The following EGFLAM variants were observed in gnomAD, a reference collection of about 807,000 sequenced individuals.
EGFLAM encodes pikachurin.
Under a neutral mutation model 113.1 loss-of-function variants are expected in EGFLAM, and 79 were observed. The ratio of observed to expected loss-of-function variants is 0.70; its 90% confidence interval spans 0.58 to 0.84. The LOEUF is 0.84. Ranked by LOEUF, EGFLAM falls within the 40% of genes least tolerant of loss-of-function variation. The pLI, the probability that EGFLAM is intolerant of heterozygous loss-of-function variation, is 0.00. For synonymous variants in EGFLAM, 504 were observed against 487.6 expected, an observed-to-expected ratio of 1.03 and a Z score of -0.44; for missense variants, 1,265 against 1,291.6, an observed-to-expected ratio of 0.98 and a Z score of 0.32.
chr5:38,400,904 T>C lies in EGFLAM; in HGVS notation c.713-5222T>C, dbSNP rs146968869. 3.7e-3 allele frequency among the ~76,000 whole-genome samples: 566 copies of C among 152,304 alleles called. 1 individual carries two copies. The highest frequency in any genetic ancestry group is 0.013 in the African/African-American group (535 of 41,574). ...TTAGCTGATCCCTGCGGTCTCTCTA[T>C]GAAAGTTAAAATTACTTTGACTCTA... On this transcript the variant is annotated intron_variant, in intron 6 of 21. Coordinates refer to ENST00000322350, the MANE Select transcript of EGFLAM (RefSeq NM_152403.4).
At chr5:38,424,821 T>G (rs758482195) in intron 12 of EGFLAM, 146 bp from the exon 13 acceptor site, 60 of 1,097,304 alleles carry the variant, frequency 5.5e-5, no homozygotes, top group Non-Finnish European at 7.3e-5. Context: ...TGAAAGCCCA[T>G]TTGCAGTTGT....
chr5:38,435,020 T>G, intron 15 of EGFLAM, 117 bp from the exon 16 acceptor site: 1 of 755,588 alleles, frequency 1.3e-6, no homozygotes, highest in Non-Finnish European at 2.3e-6. Context: ...ATTGTCATGA[T>G]GGGTCTCTAG....
chr5:38,258,953 C>T, intron 1 of EGFLAM, 102 bp downstream of exon 1: 2 of 1,261,570 alleles, frequency 1.6e-6, no homozygotes, highest in Non-Finnish European at 2.2e-6. Context: ...CTCTCCCCGA[C>T]CAACGTCTGC....
chr5:38,369,750 G>A (rs1391035695), intron 5 of EGFLAM, among the ~76,000 whole-genome samples: 2 of 152,170 alleles, frequency 1.3e-5, no homozygotes, highest in Non-Finnish European at 2.9e-5. Flanking sequence ...TCTCTGAAGG[G>A]CCCTCCAAAG....
chr5:38,394,405 T>A lies in EGFLAM; in HGVS notation c.713-11721T>A, dbSNP rs976310037. ...GGTATTTTTGTTCTATCTTGTTTAGTAACCACATTTTTTTTTTTTAATGAG... is the reference window on the plus strand; with the variant it reads ...GGTATTTTTGTTCTATCTTGTTTAGAAACCACATTTTTTTTTTTTAATGAG... On this transcript the variant is annotated intron_variant, in intron 6 of 21. Transcript: ENST00000322350. 2.8e-5 allele frequency among the ~76,000 whole-genome samples: 4 copies of A among 142,050 alleles called. No homozygotes were observed. In the East Asian group the frequency reaches 7.8e-4, roughly 28 times the overall value. 93.2% of individuals were successfully genotyped at this position (142,050 alleles called of 152,430 possible). A position where few individuals can be genotyped will look rare whatever the true frequency, so the allele number is the denominator to read the frequency against.
chr5:38,339,443 A>G (rs181796161), intron 3 of EGFLAM, among the ~76,000 whole-genome samples: 2 of 152,310 alleles, frequency 1.3e-5, no homozygotes, highest in African/African-American at 2.4e-5. Flanking sequence ...ACCAGTGCTC[A>G]TAACACTATT....
chr5:38,284,433 A>G (rs1451779331), intron 1 of EGFLAM, among the ~76,000 whole-genome samples: 1 of 152,206 alleles, frequency 6.6e-6, no homozygotes, highest in Non-Finnish European at 1.5e-5. Flanking sequence ...GCCACAGGCT[A>G]TATGTGAATA....
intron 14 of EGFLAM, among the ~76,000 whole-genome samples, chr5:38,428,196 G>C (rs1742078970): frequency 6.6e-6 from 1 of 152,202 alleles, no homozygotes; most frequent in African/African-American, 2.4e-5. Flanking sequence ...ATTGCAAACT[G>C]TTTTCAATCT....
intron 19 of EGFLAM, among the ~76,000 whole-genome samples, chr5:38,453,939 C>G (rs963707131): frequency 7.9e-5 from 12 of 152,180 alleles, no homozygotes; most frequent in African/African-American, 2.2e-4. Context: ...AAGAGCTCTG[C>G]TTTATCCTGA....
chr5:38,291,962 G>C (rs957897195), intron 1 of EGFLAM, among the ~76,000 whole-genome samples: 3 of 152,154 alleles, frequency 2.0e-5, no homozygotes, highest in East Asian at 3.9e-4. Context: ...AATGGCCCCA[G>C]CCTCGTCCAT....
At chr5:38,390,231 G>A (rs1740775693) in intron 6 of EGFLAM, among the ~76,000 whole-genome samples, 1 of 152,050 alleles carries the variant, frequency 6.6e-6, no homozygotes, top group African/African-American at 2.4e-5. Flanking sequence ...TTATGATACT[G>A]TTTAGAATGT....
intron 3 of EGFLAM, among the ~76,000 whole-genome samples, chr5:38,339,696 C>T (rs1285751149): frequency 1.3e-5 from 2 of 152,180 alleles, no homozygotes; most frequent in African/African-American, 2.4e-5. Flanking sequence ...TCAAGTCATA[C>T]ATTAGCGAGT....
At chr5:38,425,955 T>C (rs960315260) in intron 13 of EGFLAM, among the ~76,000 whole-genome samples, 24 of 151,998 alleles carry the variant, frequency 1.6e-4, no homozygotes, top group Admixed American at 1.3e-3. Context: ...ATACAAAAAT[T>C]AGCTGGGTGT....
At chr5:38,341,539 C>T (rs1739337904) in intron 3 of EGFLAM, among the ~76,000 whole-genome samples, 1 of 152,156 alleles carries the variant, frequency 6.6e-6, no homozygotes, top group Admixed American at 6.5e-5. Flanking sequence ...TAGAGCCAAA[C>T]CATATCAACT....
chr5:38,300,901 G>C (rs916419621), intron 1 of EGFLAM, among the ~76,000 whole-genome samples: 2 of 152,200 alleles, frequency 1.3e-5, no homozygotes, highest in African/African-American at 4.8e-5. Context: ...ATGCGTAAAA[G>C]AGGAAGGAGC....
At chr5:38,299,319 A>G (rs1758518002) in intron 1 of EGFLAM, among the ~76,000 whole-genome samples, 1 of 152,250 alleles carries the variant, frequency 6.6e-6, no homozygotes, top group Non-Finnish European at 1.5e-5. Context: ...GTATCCATGT[A>G]TTATGTGGCT....
chr5:38,292,363 C>T (rs1030809314), intron 1 of EGFLAM, among the ~76,000 whole-genome samples: 1 of 152,116 alleles, frequency 6.6e-6, no homozygotes, highest in African/African-American at 2.4e-5. Context: ...ATGGCTTTGT[C>T]GTGTTTCATG....
Position 38,407,893 on chromosome 5 carries a change from T to C in EGFLAM, c.1236T>C (p.Thr412=), listed in dbSNP as rs113866665. 6.2e-7 allele frequency: 1 copy of C among 1,611,224 alleles called. No individual in the cohort carries two copies. Among genetic ancestry groups the C allele is most frequent in the South Asian group, 1.1e-5 (1 of 90,996 alleles). ...LKNSYQAFQI[T]LEFRAEAEDG... ...ATTCTTATCAGGCATTTCAAATTAC[T>C]CTTGAATTTAGGGTAAGAGGGATGT... is the stretch of plus-strand genomic sequence containing the variant. The change falls in exon 9 of 22, where the codon ACT becomes ACC. Residue 412 remains threonine, a synonymous_variant. Transcript: ENST00000322350.
intron 6 of EGFLAM, among the ~76,000 whole-genome samples, chr5:38,385,707 C>T (rs541579287): frequency 2.0e-5 from 3 of 152,258 alleles, no homozygotes; most frequent in Non-Finnish European, 4.4e-5. Context: ...TTCTCATACC[C>T]TTCAGTTCCA....
Sources: gnomAD v4.1 joint callset for allele counts (sites outside exome capture counted in the v4.1 genomes callset) on GRCh38, gnomAD v4.1.1 for gene constraint, MANE v1.5 for transcripts, NCBI Gene and HGNC (gene_info 2026-07-23, HGNC 2026-07-21) for gene names.